Variants in GRID2 observed in about 807,000 individuals in gnomAD.
GRID2 encodes glutamate receptor ionotropic, delta-2.
GRID2 carries 33 observed loss-of-function variants against 114.8 expected under a neutral mutation model. That is an observed-to-expected ratio of 0.29 (90% CI 0.22 to 0.38). The LOEUF (loss-of-function observed/expected upper bound fraction) is 0.38, where lower values mean the gene tolerates loss of function less well. Ranked by LOEUF, GRID2 falls within the 10% of genes least tolerant of loss-of-function variation. GRID2 has a pLI of 1.00. For synonymous variants in GRID2, 505 were observed against 449.9 expected (o/e 1.12, Z -1.55); for missense variants, 1,184 against 1,257.7 (o/e 0.94, Z 0.89).
At chr4:93,339,330 A>G (rs1359236737) in intron 8 of GRID2, among the ~76,000 whole-genome samples, 2 of 152,202 alleles carry the variant, frequency 1.3e-5, no homozygotes, top group Non-Finnish European at 1.5e-5. Flanking sequence ...AGGATGGGCC[A>G]GTAATCTAAT....
chr4:92,952,756 G>A (rs1752124264), intron 2 of GRID2, among the ~76,000 whole-genome samples: 1 of 152,100 alleles, frequency 6.6e-6, no homozygotes, highest in Non-Finnish European at 1.5e-5. Context: ...TTTTGTCATT[G>A]TATTTTATTT....
At chr4:93,332,425 G>A (rs1032108821) in intron 8 of GRID2, among the ~76,000 whole-genome samples, 4 of 151,476 alleles carry the variant, frequency 2.6e-5, no homozygotes, top group East Asian at 1.9e-4. Flanking sequence ...CTGTATCCAC[G>A]CAGCCAATAA....
chr4:92,376,736 A>G (rs1037351503), intron 1 of GRID2, among the ~76,000 whole-genome samples: 3 of 152,136 alleles, frequency 2.0e-5, no homozygotes, highest in Non-Finnish European at 2.9e-5. Flanking sequence ...CCAAACCCCA[A>G]ATCTTGACTT....
At chr4:93,069,643 G>T (rs1284412079) in intron 2 of GRID2, among the ~76,000 whole-genome samples, 1 of 152,046 alleles carries the variant, frequency 6.6e-6, no homozygotes, top group Non-Finnish European at 1.5e-5. Flanking sequence ...AGGAAGGACT[G>T]GTCAGTAATT....
intron 1 of GRID2, among the ~76,000 whole-genome samples, chr4:92,488,109 T>C (rs936078485): frequency 3.6e-4 from 55 of 152,308 alleles, no homozygotes; most frequent in Admixed American, 6.5e-5. Flanking sequence ...GATTCTTATA[T>C]GTAGCTATTG....
At chr4:93,427,070 A>G (rs1164233567) in intron 10 of GRID2, among the ~76,000 whole-genome samples, 5 of 152,076 alleles carry the variant, frequency 3.3e-5, no homozygotes, top group Non-Finnish European at 7.4e-5. Flanking sequence ...ACATTAGAAA[A>G]TGACTATCAA....
chr4:93,806,068 G>A (rs763148561), intron 1 of GRID2, among the ~76,000 whole-genome samples: 5 of 152,048 alleles, frequency 3.3e-5, no homozygotes, highest in South Asian at 4.1e-4. Context: ...CAGCACTCCC[G>A]CCTGGGCAAG....
chr4:92,423,342 G>C (rs1731997598), intron 1 of GRID2, among the ~76,000 whole-genome samples: 1 of 152,118 alleles, frequency 6.6e-6, no homozygotes, highest in Non-Finnish European at 1.5e-5. Context: ...ACACCAGTGA[G>C]TTTAGGAGAT....
intron 1 of GRID2, among the ~76,000 whole-genome samples, chr4:92,477,048 T>C (rs961722019): frequency 1.4e-3 from 59 of 40,938 alleles, no homozygotes; most frequent in African/African-American, 0.012. Context: ...CATGTGTGTG[T>C]GTGTGTGTGT....
chr4:93,626,797 C>A (rs1293102941), intron 14 of GRID2, among the ~76,000 whole-genome samples: 1 of 152,136 alleles, frequency 6.6e-6, no homozygotes, highest in Non-Finnish European at 1.5e-5. Context: ...TGAATTCATT[C>A]TGAGGATACA....
chr4:93,634,459 A>G (rs893262708), intron 14 of GRID2, among the ~76,000 whole-genome samples: 2 of 152,210 alleles, frequency 1.3e-5, no homozygotes, highest in African/African-American at 2.4e-5. Flanking sequence ...AGCATCTACT[A>G]CACTAAACAC....
chr4:92,921,056 C>G (rs1341787718), intron 2 of GRID2, among the ~76,000 whole-genome samples: 1 of 151,984 alleles, frequency 6.6e-6, no homozygotes, highest in Non-Finnish European at 1.5e-5. Flanking sequence ...TCTTTTTATT[C>G]TTTTTTTCTC....
At chr4:93,764,227 C>A (rs1379811343) in intron 14 of GRID2, among the ~76,000 whole-genome samples, 2 of 151,968 alleles carry the variant, frequency 1.3e-5, no homozygotes, top group Non-Finnish European at 1.5e-5. Flanking sequence ...ACTCCCTTCC[C>A]CTGAAATTTC....
At chr4:93,522,513 C>T (rs979636538) in intron 13 of GRID2, among the ~76,000 whole-genome samples, 8 of 151,816 alleles carry the variant, frequency 5.3e-5, no homozygotes, top group Middle Eastern at 6.8e-3. Context: ...ATTAGTGTTT[C>T]CAGAAAAGTA....
chr4:92,421,027 C>T (rs1278647872), intron 1 of GRID2, among the ~76,000 whole-genome samples: 1 of 151,950 alleles, frequency 6.6e-6, no homozygotes, highest in Non-Finnish European at 1.5e-5. Context: ...CTGTCAGTTA[C>T]TACACAACTT....
chr4:92,498,276 T>A (rs113497489), intron 1 of GRID2, among the ~76,000 whole-genome samples: 1 of 151,998 alleles, frequency 6.6e-6, no homozygotes, highest in African/African-American at 2.4e-5. Flanking sequence ...CCCAAGTCAG[T>A]TCACAATTGG....
chr4:93,417,547 G>A (rs1349120213), intron 9 of GRID2, among the ~76,000 whole-genome samples: 2 of 151,954 alleles, frequency 1.3e-5, no homozygotes, highest in African/African-American at 4.8e-5. Flanking sequence ...CACCTCCCCA[G>A]TGCATCTTTC....
Position 93,386,140 on chromosome 4 carries a change from T to A in GRID2, c.1246-9467T>A, listed in dbSNP as rs1288257252. 2.0e-5 allele frequency among the ~76,000 whole-genome samples: 3 copies of A among 152,194 alleles called. No individual in the cohort carries two copies. In the East Asian group the frequency reaches 5.8e-4, roughly 29 times the overall value. On this transcript the variant is annotated intron_variant, in intron 8 of 15. Transcript: ENST00000282020. ...CTATTAAGGCTGTCTGCATGACCCTTGCTCTAATTCCTCTCTGAAATAGTG... is the reference window on the plus strand; with the variant it reads ...CTATTAAGGCTGTCTGCATGACCCTAGCTCTAATTCCTCTCTGAAATAGTG...
chr4:93,212,576 A>G (rs147125455), intron 5 of GRID2, among the ~76,000 whole-genome samples: 1 of 152,148 alleles, frequency 6.6e-6, no homozygotes, highest in African/African-American at 2.4e-5. Flanking sequence ...AGATAGGAAG[A>G]CGTGCACTGT....
Sources: gnomAD v4.1 joint callset for allele counts (sites outside exome capture counted in the v4.1 genomes callset) on GRCh38, gnomAD v4.1.1 for gene constraint, MANE v1.5 for transcripts, NCBI Gene and HGNC (gene_info 2026-07-23, HGNC 2026-07-21) for gene names.